Variants in RTN4IP1 observed in about 807,000 individuals in gnomAD.
RTN4IP1 encodes the protein NAD(P)H oxidoreductase RTN4IP1, mitochondrial.
In RTN4IP1, 32 loss-of-function variants were observed where a neutral mutation model predicts 46.6. The observed-to-expected ratio is 0.69, with a 90% CI of 0.52 to 0.92. RTN4IP1 has a LOEUF of 0.92. Ranked by LOEUF, RTN4IP1 falls within the 40% of genes least tolerant of loss-of-function variation. RTN4IP1 has a pLI of 0.00. For synonymous variants in RTN4IP1, 167 were observed against 161.8 expected, an observed-to-expected ratio of 1.03 and a Z score of -0.24; for missense variants, 424 against 485.8, an observed-to-expected ratio of 0.87 and a Z score of 1.20.
intron 1 of RTN4IP1, 91 bp downstream of exon 1, chr6:106,628,656 TA>T: frequency 8.3e-7 from 1 of 1,207,512 alleles, no homozygotes; most frequent in Non-Finnish European, 1.2e-6. Context: ...TTCATTTATG[TA>T]AACCAAAGAA....
In RTN4IP1 at chr6:106,623,146, T is replaced by C. The variant is rs552953333; in HGVS notation, c.275-177A>G. ...AACACTATTCACAACAGCAAAGACA[T>C]GGACTCAACCTAACTACCCATCAAT... is the stretch of plus-strand genomic sequence containing the variant. On this transcript the variant is annotated intron_variant, in intron 1 of 8. Transcript: ENST00000369063. Among the ~76,000 whole-genome samples, 20 of 150,748 alleles carry C rather than the reference T, an allele frequency of 1.3e-4. No individual in the cohort carries two copies. The East Asian group carries it at 3.9e-3, about 30-fold the overall frequency.
intron 1 of RTN4IP1, among the ~76,000 whole-genome samples, chr6:106,628,276 A>G (rs577992784): frequency 6.6e-6 from 1 of 151,404 alleles, no homozygotes; most frequent in Admixed American, 6.6e-5. Flanking sequence ...GACCAGCCTG[A>G]CCAACATAGT....
At chr6:106,593,475 C>T (rs1582870200) in intron 5 of RTN4IP1, among the ~76,000 whole-genome samples, 1 of 152,196 alleles carries the variant, frequency 6.6e-6, no homozygotes, top group East Asian at 1.9e-4. Flanking sequence ...AATTTTTGTG[C>T]AGATAATTAT....
chr6:106,594,907 TCTC>T (rs1256023766), intron 5 of RTN4IP1, among the ~76,000 whole-genome samples: 9 of 152,076 alleles, frequency 5.9e-5, no homozygotes, highest in Non-Finnish European at 1.0e-4. Flanking sequence ...TTCAGGTGAT[TCTC>T]CTGCCCTCAG....
chr6:106,595,697 C>T (rs1341236951), intron 5 of RTN4IP1, among the ~76,000 whole-genome samples: 2 of 152,044 alleles, frequency 1.3e-5, no homozygotes, highest in African/African-American at 4.8e-5. Flanking sequence ...GGGGTTTCGC[C>T]ATGTTGGCCA....
chr6:106,619,343 C>G lies in RTN4IP1; in HGVS notation c.496-17G>C. The G allele has an allele frequency of 6.2e-7, 1 of 1,613,346 alleles. No individual in the cohort carries two copies. The highest frequency in any genetic ancestry group is 8.5e-7 in the Non-Finnish European group (1 of 1,179,742). Reference sequence around the variant, plus strand: ...GTGAGAGACCTACATTTGAAGACAACAGTCAAAAATAAGCAATGACTTGCA... The same window carrying G: ...GTGAGAGACCTACATTTGAAGACAAGAGTCAAAAATAAGCAATGACTTGCA... On this transcript the variant is annotated splice_polypyrimidine_tract_variant and intron_variant, in intron 3 of 8. Transcript: ENST00000369063.
At chr6:106,629,811 G>T (rs748441740), upstream of RTN4IP1, 101 of 1,379,034 alleles carry the variant, frequency 7.3e-5, 1 homozygote, top group Non-Finnish European at 9.2e-5. Flanking sequence ...CCACCTCGCT[G>T]CTTCCTCTAG....
chr6:106,591,936 T>C (rs763469003), intron 6 of RTN4IP1, among the ~76,000 whole-genome samples: 4 of 152,180 alleles, frequency 2.6e-5, no homozygotes, highest in Non-Finnish European at 5.9e-5. Context: ...GCAAAGACCA[T>C]GTAAGCAAAA....
intron 5 of RTN4IP1, among the ~76,000 whole-genome samples, chr6:106,601,621 T>G (rs1008815645): frequency 5.1e-4 from 78 of 152,332 alleles, no homozygotes; most frequent in African/African-American, 1.7e-3. Flanking sequence ...GTTTTTGTTT[T>G]TGTTTTTTGA....
chr6:106,619,320 G>A lies in RTN4IP1; in HGVS notation c.502C>T (p.His168Tyr). The A allele has an allele frequency of 7.4e-6, 12 of 1,614,086 alleles. No homozygotes were observed. Among genetic ancestry groups the A allele is most frequent in the Non-Finnish European group, 1.0e-5 (12 of 1,180,012 alleles). ...GTATGAGTGAGTGATTTGGGTTTGTGAGAGACCTACATTTGAAGACAACAG... is the reference window on the plus strand; with the variant it reads ...GTATGAGTGAGTGATTTGGGTTTGTAAGAGACCTACATTTGAAGACAACAG... Reference protein sequence around the residue: ...FVVVSGNEVSHKPKSLTHTQA... With the variant: ...FVVVSGNEVSYKPKSLTHTQA... The change falls in exon 4 of 9, where the codon CAC becomes TAC. Residue 168 changes from histidine (H) to tyrosine (Y), a missense_variant. Coordinates refer to ENST00000369063, the MANE Select transcript of RTN4IP1 (RefSeq NM_032730.5).
chr6:106,600,819 TTTTG>T (rs761505457), intron 5 of RTN4IP1, among the ~76,000 whole-genome samples: 10 of 152,114 alleles, frequency 6.6e-5, no homozygotes, highest in South Asian at 2.1e-4. Context: ...CTATACCACA[TTTTG>T]TTTATCCATT....
At chr6:106,629,566 GT>G (rs1776760056), upstream of RTN4IP1, 5 of 1,323,768 alleles carry the variant, frequency 3.8e-6, no homozygotes, top group Non-Finnish European at 5.2e-6. Flanking sequence ...AGTACTCGGT[GT>G]TGAAGGGCTC....
At chr6:106,580,058 C>T (rs1256727401) in intron 8 of RTN4IP1, among the ~76,000 whole-genome samples, 11 of 151,428 alleles carry the variant, frequency 7.3e-5, no homozygotes, top group Non-Finnish European at 1.3e-4. Context: ...ACTAAAGATA[C>T]AAAAAATTAG....
At chr6:106,616,688 G>A (rs1247632466) in intron 4 of RTN4IP1, among the ~76,000 whole-genome samples, 1 of 152,120 alleles carries the variant, frequency 6.6e-6, no homozygotes, top group African/African-American at 2.4e-5. Flanking sequence ...GAACTTCTGA[G>A]TTTAGGTACA....
intron 8 of RTN4IP1, among the ~76,000 whole-genome samples, chr6:106,574,012 C>T (rs1380976209): frequency 6.6e-6 from 1 of 152,228 alleles, no homozygotes. Flanking sequence ...ATCTTCACCA[C>T]TGCAGCCACT....
At chr6:106,618,771 T>A (rs1015190246) in intron 4 of RTN4IP1, among the ~76,000 whole-genome samples, 3 of 152,152 alleles carry the variant, frequency 2.0e-5, no homozygotes, top group African/African-American at 7.2e-5. Flanking sequence ...TATAGAAATA[T>A]GCAAGTGTGA....
chr6:106,596,504 G>A (rs1357835416), intron 5 of RTN4IP1, among the ~76,000 whole-genome samples: 1 of 152,176 alleles, frequency 6.6e-6, no homozygotes, highest in African/African-American at 2.4e-5. Flanking sequence ...GGATCATTGA[G>A]CCCAGGAGGT....
At chr6:106,625,638 T>C (rs1371544981) in intron 1 of RTN4IP1, among the ~76,000 whole-genome samples, 1 of 151,270 alleles carries the variant, frequency 6.6e-6, no homozygotes, top group Non-Finnish European at 1.5e-5. Flanking sequence ...AGAGGACTTT[T>C]GAGTGGCTTT....
chr6:106,630,025 A>G (rs1172599900), upstream of RTN4IP1, among the ~76,000 whole-genome samples: 1 of 152,154 alleles, frequency 6.6e-6, no homozygotes, highest in African/African-American at 2.4e-5. Flanking sequence ...TTGCGGGGCC[A>G]CTTCAGTCTC....
Sources: allele counts gnomAD v4.1 joint callset (sites outside exome capture counted in the v4.1 genomes callset), GRCh38; gene constraint gnomAD v4.1.1; transcripts MANE v1.5; gene names NCBI Gene and HGNC (gene_info 2026-07-23, HGNC 2026-07-21).